JAZF1: variants seen among roughly 807,000 people sequenced by gnomAD.
JAZF1 encodes JAZF zinc finger 1.
In JAZF1, 8 loss-of-function variants were observed where a neutral mutation model predicts 26.4. The observed-to-expected ratio is 0.30, with a 90% CI of 0.18 to 0.55. The LOEUF (loss-of-function observed/expected upper bound fraction) is 0.55. Ranked by LOEUF, JAZF1 falls within the 20% of genes least tolerant of loss-of-function variation. The pLI, the probability that JAZF1 is intolerant of heterozygous loss-of-function variation, is 0.94. For synonymous variants in JAZF1, 126 were observed against 122.3 expected (o/e 1.03, Z -0.20); for missense variants, 199 against 322.0 (o/e 0.62, Z 2.92).
chr7:27,929,721 T>C (rs1784655423), intron 2 of JAZF1, among the ~76,000 whole-genome samples: 1 of 152,188 alleles, frequency 6.6e-6, no homozygotes. Context: ...ATTAAGTGAT[T>C]AAGCTGTTGC....
chr7:27,975,244 C>T (rs537027076), intron 2 of JAZF1, among the ~76,000 whole-genome samples: 1 of 151,930 alleles, frequency 6.6e-6, no homozygotes, highest in African/African-American at 2.4e-5. Context: ...ATGTTAAGGG[C>T]AGGAGCAAGA....
chr7:27,963,343 G>A (rs942307832), intron 2 of JAZF1, among the ~76,000 whole-genome samples: 2 of 152,088 alleles, frequency 1.3e-5, no homozygotes, highest in Non-Finnish European at 2.9e-5. Flanking sequence ...ACTGTTAAGA[G>A]GATCAGAGCA....
At chr7:27,898,615 C>T (rs1784112174) in intron 2 of JAZF1, among the ~76,000 whole-genome samples, 1 of 152,064 alleles carries the variant, frequency 6.6e-6, no homozygotes, top group Non-Finnish European at 1.5e-5. Context: ...TACTCTCCTA[C>T]AGCTCAGATA....
intron 1 of JAZF1, among the ~76,000 whole-genome samples, chr7:28,035,441 A>AAACTTAAG (rs1329529047): frequency 6.6e-6 from 1 of 151,850 alleles, no homozygotes; most frequent in Non-Finnish European, 1.5e-5. Context: ...AAAGAATGAG[A>AAACTTAAG]AACTTAAGAA....
intron 1 of JAZF1, among the ~76,000 whole-genome samples, chr7:28,116,086 T>C (rs1169998494): frequency 2.0e-5 from 3 of 152,244 alleles, no homozygotes; most frequent in Non-Finnish European, 2.9e-5. Context: ...GTCTTTTCTA[T>C]TATAAACAAT....
intron 3 of JAZF1, among the ~76,000 whole-genome samples, chr7:27,890,022 C>T (rs1384006604): frequency 2.0e-5 from 3 of 151,914 alleles, no homozygotes; most frequent in Admixed American, 2.0e-4. Flanking sequence ...TTAGTGCCTA[C>T]AAAGCAGTCC....
intron 2 of JAZF1, among the ~76,000 whole-genome samples, chr7:27,930,905 T>A (rs994911540): frequency 6.6e-6 from 1 of 152,050 alleles, no homozygotes; most frequent in Non-Finnish European, 1.5e-5. Flanking sequence ...AGGACAGTGG[T>A]ATTATATGAC....
intron 1 of JAZF1, among the ~76,000 whole-genome samples, chr7:28,158,458 C>T (rs1050867232): frequency 6.6e-6 from 1 of 152,150 alleles, no homozygotes; most frequent in Non-Finnish European, 1.5e-5. Flanking sequence ...ACATCCTGGA[C>T]CACTGAAGAC....
chr7:28,083,294 A>G (rs757867242), intron 1 of JAZF1, among the ~76,000 whole-genome samples: 1 of 152,178 alleles, frequency 6.6e-6, no homozygotes, highest in Non-Finnish European at 1.5e-5. Context: ...TGTCTCACTC[A>G]TATCACAACC....
intron 1 of JAZF1, among the ~76,000 whole-genome samples, chr7:28,175,697 G>C: frequency 6.6e-6 from 1 of 152,206 alleles, no homozygotes; most frequent in Middle Eastern, 3.2e-3. Context: ...AGTCAATCGT[G>C]TGAGGGGAGG....
At chr7:27,980,526 G>C (rs1401287843) in intron 2 of JAZF1, among the ~76,000 whole-genome samples, 1 of 151,872 alleles carries the variant, frequency 6.6e-6, no homozygotes, top group African/African-American at 2.4e-5. Flanking sequence ...TCCATTTTAA[G>C]GAACCTAACC....
At chr7:27,919,927 G>A (rs1784502259) in intron 2 of JAZF1, among the ~76,000 whole-genome samples, 1 of 152,166 alleles carries the variant, frequency 6.6e-6, no homozygotes, top group African/African-American at 2.4e-5. Context: ...TTTACTCTGT[G>A]TGCAAGTTGT....
chr7:28,109,250 G>A (rs1043186552), intron 1 of JAZF1, among the ~76,000 whole-genome samples: 2 of 152,126 alleles, frequency 1.3e-5, no homozygotes, highest in Non-Finnish European at 2.9e-5. Flanking sequence ...TGAGGTGATG[G>A]GTCAGTTAAT....
rs1364571490 is a variant in JAZF1, at chr7:28,014,477, G to C, written c.116-22496C>G. The stretch of plus-strand genomic sequence containing the variant: ...CATGGGGGCAAGTCTTTCCCATGCT[G>C]TTGTTGTGACAGTGAATAAGTCTCA... On this transcript the variant is annotated intron_variant, in intron 1 of 4. Coordinates refer to ENST00000283928, the MANE Select transcript of JAZF1 (RefSeq NM_175061.4). 2.6e-5 allele frequency among the ~76,000 whole-genome samples: 4 copies of C among 152,206 alleles called. No individual in the cohort carries two copies. In the East Asian group the frequency reaches 5.8e-4, roughly 22 times the overall value.
intron 2 of JAZF1, among the ~76,000 whole-genome samples, chr7:27,968,451 G>A (rs1326628973): frequency 6.6e-6 from 1 of 152,120 alleles, no homozygotes; most frequent in Non-Finnish European, 1.5e-5. Flanking sequence ...GGGTGTTTGT[G>A]CCTAGGAAAT....
At chr7:28,161,820 T>C (rs1424898338) in intron 1 of JAZF1, among the ~76,000 whole-genome samples, 2 of 152,192 alleles carry the variant, frequency 1.3e-5, no homozygotes, top group African/African-American at 2.4e-5. Context: ...CATGGCAGTA[T>C]GGTGAAGGCT....
chr7:27,980,932 G>T (rs1362322250), intron 2 of JAZF1, among the ~76,000 whole-genome samples: 1 of 152,124 alleles, frequency 6.6e-6, no homozygotes, highest in Non-Finnish European at 1.5e-5. Flanking sequence ...GGCCAGGCTA[G>T]TAGTTGTCTG....
chr7:28,096,186 CT>C (rs1167886786), intron 1 of JAZF1, among the ~76,000 whole-genome samples: 2 of 152,230 alleles, frequency 1.3e-5, no homozygotes, highest in Non-Finnish European at 2.9e-5. Flanking sequence ...GAGGCAGGGC[CT>C]CTGTCCGCTC....
chr7:27,853,379 G>A (rs1448076906), intron 3 of JAZF1, among the ~76,000 whole-genome samples: 2 of 152,138 alleles, frequency 1.3e-5, no homozygotes, highest in East Asian at 3.9e-4. Flanking sequence ...AGGGTCCTCT[G>A]GTTTCTTCCC....
Sources: gnomAD v4.1 joint callset for allele counts (sites outside exome capture counted in the v4.1 genomes callset) on GRCh38, gnomAD v4.1.1 for gene constraint, MANE v1.5 for transcripts, NCBI Gene and HGNC (gene_info 2026-07-23, HGNC 2026-07-21) for gene names.